Variants in SLC39A10 observed in about 807,000 individuals in gnomAD.
The protein encoded by SLC39A10 is solute carrier family 39 member 10.
In SLC39A10, 13 loss-of-function variants were observed where a neutral mutation model predicts 65.1. That is an observed-to-expected ratio of 0.20 (90% confidence interval 0.13 to 0.32). The LOEUF (loss-of-function observed/expected upper bound fraction) is 0.32. SLC39A10 is among the 10% of genes least tolerant of loss of function. SLC39A10 has a pLI of 1.00. For synonymous variants in SLC39A10, 321 were observed against 342.2 expected, an observed-to-expected ratio of 0.94 and a Z score of 0.68; for missense variants, 831 against 1,018.4, an observed-to-expected ratio of 0.82 and a Z score of 2.50.
Position 195,680,431 on chromosome 2 carries a change from A to G in SLC39A10, c.389A>G (p.His130Arg). 3 of 1,614,154 alleles carry G rather than the reference A, an allele frequency of 1.9e-6. No individual in the cohort carries two copies. Among genetic ancestry groups the G allele is most frequent in the Non-Finnish European group, 2.5e-6 (3 of 1,180,032 alleles). ...GKHFHSHNHQ[H>R]SHNHLNSENQ... ...CATTTTCACTCACATAACCACCAGC[A>G]TTCCCATAATCATTTAAATTCAGAA... The change falls in exon 2 of 10, where the codon CAT becomes CGT. Residue 130 changes from histidine to arginine, a missense_variant. His to Arg is a conservative substitution (Grantham distance 29, BLOSUM62 0). Transcript: ENST00000359634.
intron 3 of SLC39A10, among the ~76,000 whole-genome samples, chr2:195,693,964 C>G (rs1469879737): frequency 6.6e-6 from 1 of 152,130 alleles, no homozygotes; most frequent in Non-Finnish European, 1.5e-5. Flanking sequence ...TTTAGCACTG[C>G]TTTTGCTGTA....
At chr2:195,677,503 T>C (rs970787638) in intron 1 of SLC39A10, among the ~76,000 whole-genome samples, 1 of 152,022 alleles carries the variant, frequency 6.6e-6, no homozygotes, top group African/African-American at 2.4e-5. Context: ...CACTGTACTC[T>C]AGCCTGGGTG....
intron 3 of SLC39A10, among the ~76,000 whole-genome samples, chr2:195,693,531 G>A (rs556320195): frequency 2.0e-5 from 3 of 152,072 alleles, no homozygotes; most frequent in Admixed American, 6.6e-5. Flanking sequence ...GATCTAGGAC[G>A]GTTGTATATT....
chr2:195,624,935 G>A (rs924253278), intron 2 of SLC39A10, among the ~76,000 whole-genome samples: 60 of 148,244 alleles, frequency 4.0e-4, no homozygotes, highest in Non-Finnish European at 7.3e-4. Flanking sequence ...AAAAGGGGCC[G>A]GGCGCAGTGA....
chr2:195,672,004 CT>C (rs1402141764), intron 1 of SLC39A10, among the ~76,000 whole-genome samples: 6 of 151,864 alleles, frequency 4.0e-5, no homozygotes, highest in African/African-American at 1.5e-4. Flanking sequence ...GAGTAGTCAT[CT>C]TCAACTGTTA....
At chr2:195,654,147 C>T (rs1689100364), upstream of SLC39A10, among the ~76,000 whole-genome samples, 1 of 152,110 alleles carries the variant, frequency 6.6e-6, no homozygotes, top group Non-Finnish European at 1.5e-5. Flanking sequence ...CCGTGTGGGA[C>T]AGGCTGGTCT....
At chr2:195,695,491 G>C (rs1020770983) in intron 3 of SLC39A10, among the ~76,000 whole-genome samples, 1 of 152,184 alleles carries the variant, frequency 6.6e-6, no homozygotes, top group African/African-American at 2.4e-5. Context: ...TTTCCAGGCA[G>C]CCAGTGAGCA....
At chr2:195,660,070 G>GT (rs71843539) in intron 1 of SLC39A10, among the ~76,000 whole-genome samples, 4,374 of 152,034 alleles carry the variant, frequency 0.029, 259 homozygotes, top group East Asian at 0.26. Flanking sequence ...ATACTGCACA[G>GT]TTTTTTTTGT....
At chr2:195,726,551 AGAG>A (rs1277920991) in intron 8 of SLC39A10, among the ~76,000 whole-genome samples, 5 of 152,190 alleles carry the variant, frequency 3.3e-5, no homozygotes, top group African/African-American at 1.2e-4. Flanking sequence ...ATTTAGGATC[AGAG>A]GAGAAAAGAT....
chr2:195,655,684 A>C (rs1182782337), upstream of SLC39A10, among the ~76,000 whole-genome samples: 1 of 152,140 alleles, frequency 6.6e-6, no homozygotes, highest in Admixed American at 6.5e-5. Context: ...TGAAACTAGG[A>C]CTCAGGCTTA....
At chr2:195,634,697 A>G (rs1688662623) in intron 2 of SLC39A10, among the ~76,000 whole-genome samples, 2 of 152,200 alleles carry the variant, frequency 1.3e-5, no homozygotes, top group Non-Finnish European at 2.9e-5. Context: ...TTTTTATCTC[A>G]TATAATAAGA....
intron 1 of SLC39A10, among the ~76,000 whole-genome samples, chr2:195,658,995 G>A (rs1574231156): frequency 6.6e-6 from 1 of 152,178 alleles, no homozygotes; most frequent in Admixed American, 6.5e-5. Flanking sequence ...TTTTAGTAAA[G>A]CATTAGTGAG....
intron 2 of SLC39A10, among the ~76,000 whole-genome samples, chr2:195,640,355 A>G (rs1380779059): frequency 6.8e-6 from 1 of 147,568 alleles, no homozygotes; most frequent in East Asian, 2.2e-4. Context: ...AAAAAAAAAA[A>G]ACCTTAAAAA....
chr2:195,618,078 G>A (rs1204234665), intron 2 of SLC39A10, among the ~76,000 whole-genome samples: 4 of 151,638 alleles, frequency 2.6e-5, no homozygotes, highest in Non-Finnish European at 4.4e-5. Context: ...GCTGGGTGCC[G>A]GTGCCTCACA....
intron 9 of SLC39A10, among the ~76,000 whole-genome samples, chr2:195,731,901 C>T (rs1299192232): frequency 6.6e-6 from 1 of 152,174 alleles, no homozygotes; most frequent in Admixed American, 6.5e-5. Context: ...AATAACATGA[C>T]TACTCCTGAT....
chr2:195,628,589 A>G (rs887106468), intron 2 of SLC39A10, among the ~76,000 whole-genome samples: 1 of 152,248 alleles, frequency 6.6e-6, no homozygotes, highest in East Asian at 1.9e-4. Context: ...CAAGTATAAA[A>G]CAAATAATCG....
At chr2:195,668,923 A>C (rs1056315724) in intron 1 of SLC39A10, among the ~76,000 whole-genome samples, 9 of 152,106 alleles carry the variant, frequency 5.9e-5, no homozygotes, top group Admixed American at 1.3e-4. Flanking sequence ...TCTCTACTAA[A>C]AATACAAAAA....
intron 8 of SLC39A10, among the ~76,000 whole-genome samples, chr2:195,719,785 A>G (rs1216566323): frequency 2.2e-5 from 3 of 134,426 alleles, no homozygotes; most frequent in Non-Finnish European, 4.8e-5. Flanking sequence ...CGCCTGGCTA[A>G]TTTTTGTTTT....
chr2:195,696,128 C>T (rs1362602754), intron 3 of SLC39A10, among the ~76,000 whole-genome samples: 1 of 152,100 alleles, frequency 6.6e-6, no homozygotes. Flanking sequence ...GCTCTCTCTT[C>T]TATTCCATTG....
Sources: gnomAD v4.1 joint callset for allele counts (sites outside exome capture counted in the v4.1 genomes callset) on GRCh38, gnomAD v4.1.1 for gene constraint, MANE v1.5 for transcripts, NCBI Gene and HGNC (gene_info 2026-07-23, HGNC 2026-07-21) for gene names.